The following SMYD3 variants were observed in gnomAD, a reference collection of about 807,000 sequenced individuals.
The protein encoded by SMYD3 is SET and MYND domain containing 3.
Under a neutral mutation model 57.7 loss-of-function variants are expected in SMYD3, and 36 were observed. The ratio of observed to expected loss-of-function variants is 0.62; its 90% CI spans 0.48 to 0.82. The LOEUF (loss-of-function observed/expected upper bound fraction) is 0.82, where lower values mean the gene tolerates loss of function less well. Ranked by LOEUF, SMYD3 falls within the 40% of genes least tolerant of loss-of-function variation. The pLI is 0.00. For synonymous variants in SMYD3, 211 were observed against 195.0 expected (o/e 1.08, Z -0.68); for missense variants, 515 against 538.8 (o/e 0.96, Z 0.44).
chr1:245,768,104 C>T (rs2046191097), intron 10 of SMYD3, among the ~76,000 whole-genome samples: 2 of 152,170 alleles, frequency 1.3e-5, no homozygotes, highest in South Asian at 4.1e-4. Context: ...TACAAGCAAA[C>T]TACATAACAA....
chr1:246,387,652 G>C (rs1480292590), intron 1 of SMYD3, among the ~76,000 whole-genome samples: 3 of 152,206 alleles, frequency 2.0e-5, no homozygotes. Flanking sequence ...TGTGAGGCAG[G>C]GAAGTCTCCT....
chr1:246,199,338 T>C (rs1414641364), intron 5 of SMYD3, among the ~76,000 whole-genome samples: 2 of 152,198 alleles, frequency 1.3e-5, no homozygotes, highest in Non-Finnish European at 2.9e-5. Flanking sequence ...GAACCTGATA[T>C]TTCTCTTCTA....
chr1:245,812,416 G>A (rs907977019), intron 10 of SMYD3, among the ~76,000 whole-genome samples: 1 of 152,144 alleles, frequency 6.6e-6, no homozygotes, highest in Non-Finnish European at 1.5e-5. Context: ...ACTGCTATCT[G>A]ATGGCCGCAC....
intron 10 of SMYD3, among the ~76,000 whole-genome samples, chr1:245,807,472 G>T (rs1344631374): frequency 6.6e-6 from 1 of 152,168 alleles, no homozygotes; most frequent in African/African-American, 2.4e-5. Context: ...TTGTTCACTG[G>T]TGACAACTCA....
At chr1:245,940,589 A>AC (rs397691830) in intron 5 of SMYD3, among the ~76,000 whole-genome samples, 82 of 151,170 alleles carry the variant, frequency 5.4e-4, no homozygotes, top group Admixed American at 7.3e-4. Context: ...ACAAAACAAA[A>AC]AAAAACAGAA....
At chr1:246,256,208 G>A (rs2063891203) in intron 5 of SMYD3, among the ~76,000 whole-genome samples, 1 of 152,106 alleles carries the variant, frequency 6.6e-6, no homozygotes, top group South Asian at 2.1e-4. Flanking sequence ...GGGAGGCTAG[G>A]CCTGTCTCCC....
At chr1:246,333,780 G>A (rs1349626670) in intron 3 of SMYD3, among the ~76,000 whole-genome samples, 1 of 152,074 alleles carries the variant, frequency 6.6e-6, no homozygotes, top group African/African-American at 2.4e-5. Context: ...CAGCTACTCG[G>A]GAAGCTGAGG....
intron 5 of SMYD3, among the ~76,000 whole-genome samples, chr1:246,320,754 TAAAA>T (rs35100557): frequency 6.6e-6 from 1 of 152,052 alleles, no homozygotes; most frequent in African/African-American, 2.4e-5. Context: ...TTTATGTGCA[TAAAA>T]AAAATCTCAA....
At chr1:245,905,753 T>C (rs941217376) in intron 8 of SMYD3, among the ~76,000 whole-genome samples, 1 of 152,170 alleles carries the variant, frequency 6.6e-6, no homozygotes, top group African/African-American at 2.4e-5. Context: ...ACAGCAGGTC[T>C]TGGGCGAGAC....
intron 5 of SMYD3, among the ~76,000 whole-genome samples, chr1:246,175,301 A>T (rs974102799): frequency 6.6e-6 from 1 of 152,228 alleles, no homozygotes; most frequent in Non-Finnish European, 1.5e-5. Context: ...ACCTTATTAT[A>T]ATAAACTTAG....
At chr1:246,269,165 T>G (rs531977529) in intron 5 of SMYD3, among the ~76,000 whole-genome samples, 1 of 152,190 alleles carries the variant, frequency 6.6e-6, no homozygotes, top group African/African-American at 2.4e-5. Context: ...CCCAACTACA[T>G]GAAGCCTCCC....
chr1:246,148,803 T>C (rs760631977), intron 5 of SMYD3, among the ~76,000 whole-genome samples: 18 of 152,132 alleles, frequency 1.2e-4, no homozygotes, highest in Non-Finnish European at 2.1e-4. Flanking sequence ...TTTCCAGGGA[T>C]CAGCCCTTTA....
intron 10 of SMYD3, among the ~76,000 whole-genome samples, chr1:245,841,108 C>T (rs1388907669): frequency 1.3e-5 from 2 of 152,272 alleles, no homozygotes; most frequent in East Asian, 3.9e-4. Flanking sequence ...GAATATAAAC[C>T]ATTTTGACTT....
At chr1:245,891,918 C>G (rs189062883) in intron 8 of SMYD3, among the ~76,000 whole-genome samples, 3 of 152,110 alleles carry the variant, frequency 2.0e-5, no homozygotes, top group Non-Finnish European at 2.9e-5. Flanking sequence ...TGGTGGCACA[C>G]GCCTGTAGCC....
intron 10 of SMYD3, among the ~76,000 whole-genome samples, chr1:245,840,267 AAGAGC>A (rs1206314384): frequency 6.6e-6 from 1 of 152,198 alleles, no homozygotes; most frequent in African/African-American, 2.4e-5. Context: ...CAGAACATCA[AAGAGC>A]AGAGCAGAGC....
At chr1:246,476,494 G>T (rs1319716914) in intron 1 of SMYD3, among the ~76,000 whole-genome samples, 1 of 152,132 alleles carries the variant, frequency 6.6e-6, no homozygotes, top group Non-Finnish European at 1.5e-5. Context: ...GATGCTGCTG[G>T]TCCACAGACT....
chr1:246,448,420 A>G (rs902026500), intron 1 of SMYD3, among the ~76,000 whole-genome samples: 1 of 152,102 alleles, frequency 6.6e-6, no homozygotes, highest in African/African-American at 2.4e-5. Flanking sequence ...TGAATATGTT[A>G]TACAATCAAT....
At chr1:246,033,030 C>T (rs752897568) in intron 5 of SMYD3, among the ~76,000 whole-genome samples, 21 of 152,226 alleles carry the variant, frequency 1.4e-4, no homozygotes, top group Non-Finnish European at 2.2e-4. Flanking sequence ...AGCATACAAC[C>T]GAGCAATTTG....
chr1:246,176,432 A>G (rs529893819), intron 5 of SMYD3, among the ~76,000 whole-genome samples: 42 of 152,374 alleles, frequency 2.8e-4, no homozygotes, highest in African/African-American at 8.7e-4. Flanking sequence ...AAAAAGTAAC[A>G]TTTGACTCTT....
Sources: gnomAD v4.1 joint callset for allele counts (sites outside exome capture counted in the v4.1 genomes callset) on GRCh38, gnomAD v4.1.1 for gene constraint, MANE v1.5 for transcripts, NCBI Gene and HGNC (gene_info 2026-07-23, HGNC 2026-07-21) for gene names.